GRM7: variants seen among roughly 807,000 people sequenced by gnomAD.
GRM7 encodes the protein glutamate metabotropic receptor 7, also known as metabotropic glutamate receptor 7.
In GRM7, 35 loss-of-function variants were observed where a neutral mutation model predicts 84.5. The ratio of observed to expected loss-of-function variants is 0.41; its 90% CI spans 0.32 to 0.55. The LOEUF is 0.55. Among genes scored for constraint, GRM7 ranks in the 20% least tolerant of loss-of-function variants. The probability of loss-of-function intolerance (pLI) is 0.19; values close to 1 mark genes in which losing one functional copy is unlikely to be tolerated. For synonymous variants in GRM7, 487 were observed against 455.1 expected, an observed-to-expected ratio of 1.07 and a Z score of -0.89; for missense variants, 1,003 against 1,194.6, an observed-to-expected ratio of 0.84 and a Z score of 2.36.
chr3:7,740,222 A>G (rs1702643584), intron 9 of GRM7, 135 bp from the exon 10 acceptor site: 1 of 587,890 alleles, frequency 1.7e-6, no homozygotes, highest in South Asian at 2.4e-5. Context: ...AGGAATCCAA[A>G]GTTGTCTGTG....
chr3:7,122,859 A>T (rs1335830561), intron 1 of GRM7, among the ~76,000 whole-genome samples: 1 of 152,226 alleles, frequency 6.6e-6, no homozygotes, highest in African/African-American at 2.4e-5. Context: ...GGTGAAAGCA[A>T]CTAATAAGCT....
intron 1 of GRM7, among the ~76,000 whole-genome samples, chr3:7,030,782 T>C (rs555266305): frequency 2.6e-5 from 4 of 152,214 alleles, no homozygotes; most frequent in Non-Finnish European, 5.9e-5. Flanking sequence ...GAAAATTATA[T>C]AGTATAACTT....
chr3:6,919,455 A>G (rs1375245869), intron 1 of GRM7, among the ~76,000 whole-genome samples: 1 of 144,634 alleles, frequency 6.9e-6, no homozygotes, highest in Non-Finnish European at 1.5e-5. Flanking sequence ...TGATCCACCC[A>G]CCTTGGCCTC....
intron 2 of GRM7, among the ~76,000 whole-genome samples, chr3:7,207,975 T>G (rs767029785): frequency 2.0e-5 from 3 of 152,196 alleles, no homozygotes; most frequent in Admixed American, 6.5e-5. Flanking sequence ...GAAATACTAT[T>G]AAATAGATCA....
chr3:7,265,657 G>A (rs977896099), intron 2 of GRM7, among the ~76,000 whole-genome samples: 1 of 152,206 alleles, frequency 6.6e-6, no homozygotes, highest in Non-Finnish European at 1.5e-5. Context: ...CTGGTGCTGT[G>A]CAGAATGAAT....
chr3:6,911,993 CTTGG>C, intron 1 of GRM7, among the ~76,000 whole-genome samples: 1 of 152,118 alleles, frequency 6.6e-6, no homozygotes, highest in Non-Finnish European at 1.5e-5. Context: ...ATTGATTACA[CTTGG>C]TTACTAAATA....
intron 2 of GRM7, among the ~76,000 whole-genome samples, chr3:7,261,902 C>CTCCCTCCCTCCCTCCCTCCCTTCCT (rs1553639173): frequency 4.8e-5 from 4 of 82,852 alleles, no homozygotes; most frequent in Non-Finnish European, 9.0e-5. Context: ...CCCTCCCTCC[C>CTCCCTCCCTCCCTCCCTCCCTTCCT]TCCCTCCCTC....
At position 7,665,168 on chromosome 3, in the gene GRM7, CTTT is replaced by C. The variant is rs34966790; in HGVS notation, c.2452-14862_2452-14860del. Among the ~76,000 whole-genome samples, 522 of 102,526 alleles carry C rather than the reference CTTT, an allele frequency of 5.1e-3. 8 individuals are homozygous for C. In the East Asian group the frequency reaches 0.085, roughly 17 times the overall value. The allele number at this position is 102,526 out of a possible 152,430, so 67.3% of individuals were successfully genotyped here. On this transcript the variant is annotated intron_variant, in intron 8 of 9. Transcript: ENST00000357716. ...ATACGGAGAATGTTTGCCCATGATT[CTTT>C]TTTTTTTTTTTTTTTTTTGAGACGG...
intron 2 of GRM7, among the ~76,000 whole-genome samples, chr3:7,184,603 T>C (rs1400319769): frequency 6.6e-6 from 1 of 152,120 alleles, no homozygotes; most frequent in Non-Finnish European, 1.5e-5. Context: ...TCTCTCTCCA[T>C]GAATGTGTCA....
intron 8 of GRM7, among the ~76,000 whole-genome samples, chr3:7,642,891 A>T (rs989874975): frequency 6.6e-6 from 1 of 152,114 alleles, no homozygotes; most frequent in Non-Finnish European, 1.5e-5. Flanking sequence ...TCATGAATGG[A>T]TCTATGGTCC....
intron 8 of GRM7, among the ~76,000 whole-genome samples, chr3:7,592,356 T>C (rs1266077908): frequency 6.6e-6 from 1 of 152,010 alleles, no homozygotes; most frequent in East Asian, 1.9e-4. Flanking sequence ...GAAGACAACC[T>C]TTGAACAAAG....
intron 9 of GRM7, among the ~76,000 whole-genome samples, chr3:7,727,823 T>A (rs1254228916): frequency 1.3e-5 from 2 of 152,128 alleles, no homozygotes; most frequent in African/African-American, 2.4e-5. Context: ...CTATCCTAGG[T>A]CCCAACCTTT....
At chr3:7,243,473 G>A (rs759346870) in intron 2 of GRM7, among the ~76,000 whole-genome samples, 2 of 152,096 alleles carry the variant, frequency 1.3e-5, no homozygotes, top group Middle Eastern at 3.4e-3. Context: ...TCAGGCTTCT[G>A]GGTTAAAATC....
At chr3:7,193,710 C>T (rs1695791039) in intron 2 of GRM7, among the ~76,000 whole-genome samples, 1 of 151,958 alleles carries the variant, frequency 6.6e-6, no homozygotes, top group Non-Finnish European at 1.5e-5. Context: ...CTTTCACTCA[C>T]ATACACATAG....
At chr3:7,599,219 G>C (rs184993409) in intron 8 of GRM7, among the ~76,000 whole-genome samples, 1 of 152,032 alleles carries the variant, frequency 6.6e-6, no homozygotes, top group African/African-American at 2.4e-5. Context: ...ACATATTGAC[G>C]TTTCCATTAT....
chr3:7,711,929 C>T (rs1701594345), intron 9 of GRM7, among the ~76,000 whole-genome samples: 1 of 152,158 alleles, frequency 6.6e-6, no homozygotes, highest in African/African-American at 2.4e-5. Flanking sequence ...ATGAATAGCC[C>T]AAGAAGATAT....
rs183453323 is a variant in GRM7, at chr3:7,534,198, C to T, written c.1516-44224C>T. ...CTGGCTAATTTTTGTATTTTTAGTA[C>T]AGACAGGGTTTCAACATATTGGCCA... On this transcript the variant is annotated intron_variant, in intron 7 of 9. Transcript: ENST00000357716. 7.5e-3 allele frequency among the ~76,000 whole-genome samples: 1,140 copies of T among 151,900 alleles called. 9 individuals are homozygous for T. Among genetic ancestry groups the T allele is most frequent in the Non-Finnish European group, 0.011 (764 of 67,884 alleles).
At chr3:7,283,161 G>A (rs2124999027) in intron 2 of GRM7, among the ~76,000 whole-genome samples, 1 of 152,132 alleles carries the variant, frequency 6.6e-6, no homozygotes, top group South Asian at 2.1e-4. Context: ...GAAGACCATG[G>A]GTCTAGAGTC....
At chr3:7,569,038 T>C (rs2125043838) in intron 7 of GRM7, among the ~76,000 whole-genome samples, 1 of 152,338 alleles carries the variant, frequency 6.6e-6, no homozygotes, top group East Asian at 1.9e-4. Flanking sequence ...ATCCACTGGA[T>C]GAAGCCAGCT....
Sources: gnomAD v4.1 joint callset for allele counts (sites outside exome capture counted in the v4.1 genomes callset) on GRCh38, gnomAD v4.1.1 for gene constraint, MANE v1.5 for transcripts, NCBI Gene and HGNC (gene_info 2026-07-23, HGNC 2026-07-21) for gene names.